DLC1: variants seen among roughly 807,000 people sequenced by gnomAD.
DLC1 encodes the protein DLC1 Rho GTPase activating protein.
In DLC1, 54 loss-of-function variants were observed where a neutral mutation model predicts 140.3. That is an observed-to-expected ratio of 0.38 (90% CI 0.31 to 0.48). DLC1 has a LOEUF of 0.48. DLC1 is among the 20% of genes least tolerant of loss of function. The pLI is 0.96. For missense variants in DLC1, 2,536 were observed against 1,907.0 expected, an observed-to-expected ratio of 1.33 and a Z score of -6.14; for synonymous variants, 986 against 728.1, an observed-to-expected ratio of 1.35 and a Z score of -5.70.
chr8:13,474,330 C>G (rs181581912), intron 2 of DLC1, among the ~76,000 whole-genome samples: 31 of 152,294 alleles, frequency 2.0e-4, no homozygotes, highest in Non-Finnish European at 4.1e-4. Flanking sequence ...AAACCTCTGC[C>G]TAGATTTCAG....
rs141335658 is a variant in DLC1, at chr8:13,351,785, A to G, written c.1314+41768T>C. On this transcript the variant is annotated intron_variant, in intron 4 of 17. Transcript: ENST00000276297. The stretch of plus-strand genomic sequence containing the variant: ...AAAAATAATAATTCCCTGGATGTCT[A>G]TGTTCTGACACACTTCTCAAAAGAA... 8.3e-3 allele frequency among the ~76,000 whole-genome samples: 1,267 copies of G among 152,352 alleles called. 12 individuals carry two copies. Among genetic ancestry groups the G allele is most frequent in the South Asian group, 0.049 (237 of 4,832 alleles).
At chr8:13,443,146 T>G (rs939839813) in intron 2 of DLC1, among the ~76,000 whole-genome samples, 4 of 148,514 alleles carry the variant, frequency 2.7e-5, no homozygotes, top group Non-Finnish European at 4.4e-5. Flanking sequence ...TAGGTGGGAA[T>G]TGAACAATGA....
At chr8:13,598,358 C>G (rs889316366) in intron 1 of DLC1, among the ~76,000 whole-genome samples, 15 of 151,386 alleles carry the variant, frequency 9.9e-5, no homozygotes, top group African/African-American at 3.4e-4. Flanking sequence ...AAGGGTGTCT[C>G]TACCTGTCTC....
chr8:13,492,531 C>A (rs766111564), intron 2 of DLC1, among the ~76,000 whole-genome samples: 1 of 93,956 alleles, frequency 1.1e-5, no homozygotes, highest in Non-Finnish European at 2.4e-5. Flanking sequence ...TTCTCTCTCC[C>A]TCCACCTCTC....
At chr8:13,201,263 G>A (rs1293917428) in intron 5 of DLC1, among the ~76,000 whole-genome samples, 1 of 151,950 alleles carries the variant, frequency 6.6e-6, no homozygotes, top group Non-Finnish European at 1.5e-5. Context: ...ACTTAGAGAC[G>A]AAAAAATGAA....
chr8:13,444,830 AAT>A (rs1373928454), intron 2 of DLC1, among the ~76,000 whole-genome samples: 1 of 152,230 alleles, frequency 6.6e-6, no homozygotes, highest in Non-Finnish European at 1.5e-5. Flanking sequence ...CAATTTGAAA[AAT>A]AGTCATTTTG....
chr8:13,450,109 C>A (rs555407772), intron 2 of DLC1, among the ~76,000 whole-genome samples: 1 of 151,740 alleles, frequency 6.6e-6, no homozygotes, highest in Non-Finnish European at 1.5e-5. Context: ...TAAAATAAAT[C>A]ATTATTTAGT....
intron 16 of DLC1, 71 bp from the exon 17 acceptor site, chr8:13,086,534 C>T (rs1358879040): frequency 6.4e-7 from 1 of 1,559,970 alleles, no homozygotes; most frequent in Non-Finnish European, 8.7e-7. Flanking sequence ...GTGCTTCACT[C>T]TTCACTATTT....
At chr8:13,571,312 T>A (rs2117413923) in intron 1 of DLC1, among the ~76,000 whole-genome samples, 1 of 152,274 alleles carries the variant, frequency 6.6e-6, no homozygotes, top group South Asian at 2.1e-4. Context: ...ACCACTGTTT[T>A]CAGAATTTTT....
intron 1 of DLC1, among the ~76,000 whole-genome samples, chr8:13,594,817 GA>G (rs922809101): frequency 7.4e-4 from 113 of 151,766 alleles, no homozygotes; most frequent in African/African-American, 2.6e-3. Context: ...TAGAAGAAAT[GA>G]TCTAATTTCA....
chr8:13,574,611 T>G (rs1463192595), intron 1 of DLC1, among the ~76,000 whole-genome samples: 2 of 152,224 alleles, frequency 1.3e-5, no homozygotes, highest in East Asian at 1.9e-4. Context: ...TATATGATTA[T>G]AATATATACA....
At chr8:13,283,363 G>T (rs146470005) in intron 5 of DLC1, among the ~76,000 whole-genome samples, 2 of 150,646 alleles carry the variant, frequency 1.3e-5, no homozygotes, top group Admixed American at 1.3e-4. Context: ...GAAAATATAC[G>T]ATACATTGTG....
intron 2 of DLC1, among the ~76,000 whole-genome samples, chr8:13,451,696 C>T (rs554243635): frequency 6.6e-6 from 1 of 152,242 alleles, no homozygotes; most frequent in Non-Finnish European, 1.5e-5. Flanking sequence ...GACAGGATCA[C>T]ATTCTTTTTT....
At chr8:13,102,688 C>G (rs2128939489) in intron 8 of DLC1, 102 bp downstream of exon 8, 2 of 1,066,542 alleles carry the variant, frequency 1.9e-6, no homozygotes, top group South Asian at 1.3e-5. Context: ...TACGGAACAA[C>G]AAACTAAGAG....
intron 1 of DLC1, among the ~76,000 whole-genome samples, chr8:13,583,251 C>G (rs73212154): frequency 0.14 from 21,330 of 152,160 alleles, 1,834 homozygotes; most frequent in African/African-American, 0.24. Flanking sequence ...AGTCAATTCT[C>G]TCAAACTGTG....
chr8:13,554,977 A>T (rs1225918621), intron 1 of DLC1, among the ~76,000 whole-genome samples: 1 of 152,212 alleles, frequency 6.6e-6, no homozygotes, highest in African/African-American at 2.4e-5. Flanking sequence ...CCCACAAAGC[A>T]TCTTTGCTTT....
intron 2 of DLC1, among the ~76,000 whole-genome samples, chr8:13,477,122 A>C (rs1187972794): frequency 6.6e-6 from 1 of 152,288 alleles, no homozygotes; most frequent in South Asian, 2.1e-4. Flanking sequence ...CAGTTACTGA[A>C]GCTATGCAGA....
In DLC1 at chr8:13,092,604, G is replaced by C; in HGVS notation, c.3740+8C>G. The C allele has an allele frequency of 6.2e-7, 1 of 1,613,632 alleles. No homozygotes were observed. Among genetic ancestry groups the C allele is most frequent in the Non-Finnish European group, 8.5e-7 (1 of 1,179,836 alleles). ...CCTGTGTGCATGCACCTCCCATGCA[G>C]CCCGTACCTGGGAGAGGAATTCTCT... On this transcript the variant is annotated splice_region_variant and intron_variant, in intron 13 of 17. Transcript: ENST00000276297.
intron 4 of DLC1, among the ~76,000 whole-genome samples, chr8:13,361,261 G>C (rs1003609388): frequency 6.6e-6 from 1 of 151,982 alleles, no homozygotes; most frequent in Non-Finnish European, 1.5e-5. Context: ...AAACGAGAGA[G>C]AGAAAGAAAC....
Sources: allele counts gnomAD v4.1 joint callset (sites outside exome capture counted in the v4.1 genomes callset), GRCh38; gene constraint gnomAD v4.1.1; transcripts MANE v1.5; gene names NCBI Gene and HGNC (gene_info 2026-07-23, HGNC 2026-07-21).